Variants in ULK4 observed in about 807,000 individuals in gnomAD.
ULK4 encodes inactive serine/threonine-protein kinase ULK4.
A neutral mutation model predicts 160.6 loss-of-function variants in ULK4; 133 were observed. The observed-to-expected ratio is 0.83, with a 90% CI of 0.72 to 0.96. The LOEUF (loss-of-function observed/expected upper bound fraction) is 0.96, where lower values mean the gene tolerates loss of function less well. Ranked by LOEUF, ULK4 falls within the 40% of genes least tolerant of loss-of-function variation. ULK4 has a pLI of 0.00. For missense variants in ULK4, 1,580 were observed against 1,499.5 expected (o/e 1.05, Z -0.89); for synonymous variants, 534 against 539.8 (o/e 0.99, Z 0.15).
intron 21 of ULK4, among the ~76,000 whole-genome samples, chr3:41,774,115 G>A (rs569367645): frequency 1.8e-4 from 28 of 152,148 alleles, no homozygotes; most frequent in African/African-American, 3.4e-4. Context: ...AAACCATAAA[G>A]AGCCTAGAAG....
intron 32 of ULK4, among the ~76,000 whole-genome samples, chr3:41,472,648 A>G (rs1484024443): frequency 6.6e-6 from 1 of 152,166 alleles, no homozygotes; most frequent in Admixed American, 6.5e-5. Flanking sequence ...CCGTCAAAGA[A>G]AAGCCCAGGA....
chr3:41,812,114 A>G (rs1354334041), intron 19 of ULK4, among the ~76,000 whole-genome samples: 2 of 152,102 alleles, frequency 1.3e-5, no homozygotes, highest in African/African-American at 4.8e-5. Flanking sequence ...GTAAAACCCC[A>G]TCTCTACAAA....
intron 18 of ULK4, among the ~76,000 whole-genome samples, chr3:41,825,099 G>A (rs997837033): frequency 2.0e-5 from 3 of 152,196 alleles, no homozygotes; most frequent in Non-Finnish European, 4.4e-5. Flanking sequence ...CTGCAGCTGA[G>A]GGTCCTGTCT....
intron 30 of ULK4, among the ~76,000 whole-genome samples, chr3:41,663,114 G>A (rs537855787): frequency 2.6e-5 from 4 of 151,734 alleles, no homozygotes; most frequent in South Asian, 2.1e-4. Flanking sequence ...CCAGCTACTC[G>A]GGAGGCTGAG....
intron 35 of ULK4, among the ~76,000 whole-genome samples, chr3:41,277,208 C>T (rs1434487814): frequency 6.6e-6 from 1 of 152,082 alleles, no homozygotes; most frequent in Non-Finnish European, 1.5e-5. Context: ...TGACACTATC[C>T]CACAAGATAA....
intron 32 of ULK4, among the ~76,000 whole-genome samples, chr3:41,513,709 C>A (rs2085660466): frequency 6.6e-6 from 1 of 152,170 alleles, no homozygotes; most frequent in Non-Finnish European, 1.5e-5. Context: ...TAAAGTAACT[C>A]AGGAATAGAA....
chr3:41,592,211 C>T lies in ULK4; in HGVS notation c.3120+23458G>A, dbSNP rs1433717126. ...CACTGGGGAACCTGAAGGTCTAAATCACAGAAGATTCTGACTTTTACCTGG... is the reference window on the plus strand; with the variant it reads ...CACTGGGGAACCTGAAGGTCTAAATTACAGAAGATTCTGACTTTTACCTGG... On this transcript the variant is annotated intron_variant, in intron 31 of 36. Transcript: ENST00000301831. 3.9e-5 allele frequency among the ~76,000 whole-genome samples: 6 copies of T among 152,080 alleles called. No individual in the cohort carries two copies. In the South Asian group the frequency reaches 1.2e-3, roughly 32 times the overall value.
chr3:41,395,903 C>A (rs1225048306), intron 35 of ULK4, among the ~76,000 whole-genome samples: 2 of 152,092 alleles, frequency 1.3e-5, no homozygotes, highest in Admixed American at 6.6e-5. Context: ...ACAAAATCTA[C>A]CCGGCCCTAT....
intron 20 of ULK4, among the ~76,000 whole-genome samples, chr3:41,790,209 T>A (rs571390301): frequency 1.3e-5 from 2 of 152,228 alleles, no homozygotes; most frequent in Non-Finnish European, 2.9e-5. Flanking sequence ...ACATTTATCA[T>A]TTATAATGTG....
At chr3:41,541,342 G>C (rs950704948) in intron 32 of ULK4, among the ~76,000 whole-genome samples, 1 of 152,134 alleles carries the variant, frequency 6.6e-6, no homozygotes, top group Non-Finnish European at 1.5e-5. Context: ...GGTTGTAGAT[G>C]TGTGGTGTTA....
Position 41,329,079 on chromosome 3 carries a change from T to C in ULK4, c.3678+69000A>G, listed in dbSNP as rs1437231640. Among the ~76,000 whole-genome samples the C allele has an allele frequency of 3.3e-5, 5 of 152,214 alleles. No homozygotes were observed. The East Asian group carries it at 9.6e-4, about 29-fold the overall frequency. On this transcript the variant is annotated intron_variant, in intron 35 of 36. Coordinates refer to ENST00000301831, the MANE Select transcript of ULK4 (RefSeq NM_017886.4). ...CAGACCCTAGTAATCACTGATATCT[T>C]CTCTGTCTCCATAGTTTTGTCATGT...
At chr3:41,949,624 G>C (rs1044700561) in intron 2 of ULK4, among the ~76,000 whole-genome samples, 6 of 151,464 alleles carry the variant, frequency 4.0e-5, no homozygotes, top group Admixed American at 2.0e-4. Context: ...GTAGAGACAG[G>C]GTTTCACCAT....
chr3:41,601,515 G>C (rs568718789), intron 31 of ULK4, among the ~76,000 whole-genome samples: 1 of 152,100 alleles, frequency 6.6e-6, no homozygotes, highest in Non-Finnish European at 1.5e-5. Flanking sequence ...GGGTTGGAGG[G>C]TGAGAGGGAA....
At chr3:41,416,346 C>T (rs998315360) in intron 34 of ULK4, among the ~76,000 whole-genome samples, 1 of 152,114 alleles carries the variant, frequency 6.6e-6, no homozygotes, top group African/African-American at 2.4e-5. Flanking sequence ...GAAGTGACCA[C>T]CACAGGTCCT....
chr3:41,363,924 TTC>T (rs1223968337), intron 35 of ULK4, among the ~76,000 whole-genome samples: 9 of 140,612 alleles, frequency 6.4e-5, no homozygotes, highest in African/African-American at 2.5e-4. Flanking sequence ...TCCATCCAAA[TTC>T]TCTCTCTTTT....
chr3:41,846,346 G>A (rs1482894553), intron 17 of ULK4, among the ~76,000 whole-genome samples: 1 of 151,952 alleles, frequency 6.6e-6, no homozygotes, highest in Non-Finnish European at 1.5e-5. Flanking sequence ...GTTGACCTAG[G>A]TACAATGGCA....
intron 17 of ULK4, among the ~76,000 whole-genome samples, chr3:41,850,037 C>A (rs185370496): frequency 1.1e-3 from 167 of 152,218 alleles, no homozygotes; most frequent in African/African-American, 3.9e-3. Flanking sequence ...GTTCAATTCC[C>A]ACCTATGAGT....
chr3:41,564,298 C>T (rs1052907032), intron 32 of ULK4, among the ~76,000 whole-genome samples: 2 of 151,950 alleles, frequency 1.3e-5, no homozygotes, highest in African/African-American at 4.8e-5. Flanking sequence ...GTCTGTCGGC[C>T]CCTTCTGGGA....
At chr3:41,475,219 T>A (rs1221751381) in intron 32 of ULK4, among the ~76,000 whole-genome samples, 1 of 152,256 alleles carries the variant, frequency 6.6e-6, no homozygotes, top group Non-Finnish European at 1.5e-5. Context: ...AGCATTATGC[T>A]ATGTGAAATA....
Sources: gnomAD v4.1 joint callset for allele counts (sites outside exome capture counted in the v4.1 genomes callset) on GRCh38, gnomAD v4.1.1 for gene constraint, MANE v1.5 for transcripts, NCBI Gene and HGNC (gene_info 2026-07-23, HGNC 2026-07-21) for gene names.